The following ZNF827 variants were observed in gnomAD, a reference collection of about 807,000 sequenced individuals.
The protein encoded by ZNF827 is zinc finger protein 827.
A neutral mutation model predicts 102.4 loss-of-function variants in ZNF827; 13 were observed. The ratio of observed to expected loss-of-function variants is 0.13; its 90% CI spans 0.08 to 0.20. The LOEUF (loss-of-function observed/expected upper bound fraction) is 0.20. Ranked by LOEUF, ZNF827 falls within the 10% of genes least tolerant of loss-of-function variation. The pLI, the probability that ZNF827 is intolerant of heterozygous loss-of-function variation, is 1.00. For synonymous variants in ZNF827, 523 were observed against 536.2 expected, an observed-to-expected ratio of 0.98 and a Z score of 0.34; for missense variants, 1,103 against 1,344.4, an observed-to-expected ratio of 0.82 and a Z score of 2.81.
chr4:145,870,345 G>A lies in ZNF827; in HGVS notation c.1881C>T (p.Gly627=), dbSNP rs1405351681. ...FSPESEVSAP[G]VSEDALKPQE... is the part of the protein sequence containing the mutation. ...GGGGCTTTAGTGCGTCCTCAGAGAC[G>A]CCTGGGGCTGACACTTCAGATTCCG... Residue 627 remains glycine, a synonymous_variant, in exon 5 of 15, where the codon GGC becomes GGT. Transcript: ENST00000508784. 8 of 1,613,988 alleles carry A rather than the reference G, an allele frequency of 5.0e-6. No homozygotes were observed. Among genetic ancestry groups the A allele is most frequent in the African/African-American group, 2.7e-5 (2 of 74,882 alleles).
chr4:145,866,602 C>T (rs1180567640), intron 5 of ZNF827, among the ~76,000 whole-genome samples: 3 of 152,188 alleles, frequency 2.0e-5, no homozygotes, highest in African/African-American at 7.2e-5. Flanking sequence ...GTTTTATTTA[C>T]CATGTTAGAG....
intron 1 of ZNF827, among the ~76,000 whole-genome samples, chr4:145,904,229 C>A (rs1044039448): frequency 6.6e-6 from 1 of 152,204 alleles, no homozygotes; most frequent in African/African-American, 2.4e-5. Flanking sequence ...CTTCAACACC[C>A]GACTCAAAGG....
At chr4:145,897,335 C>G (rs1310950301) in intron 2 of ZNF827, among the ~76,000 whole-genome samples, 1 of 152,178 alleles carries the variant, frequency 6.6e-6, no homozygotes, top group African/African-American at 2.4e-5. Flanking sequence ...AATCAAACTT[C>G]CTGTTGTTCA....
At chr4:145,776,371 G>C (rs1487787263) in intron 9 of ZNF827, among the ~76,000 whole-genome samples, 1 of 151,866 alleles carries the variant, frequency 6.6e-6, no homozygotes, top group Non-Finnish European at 1.5e-5. Flanking sequence ...GGAGGTGGGA[G>C]GATTGCTTGA....
Position 145,901,625 on chromosome 4 carries a change from G to A in ZNF827, c.1093+541C>T, listed in dbSNP as rs988657285. Among the ~76,000 whole-genome samples the A allele has an allele frequency of 4.6e-5, 7 of 152,308 alleles. No homozygotes were observed. In the East Asian group the frequency reaches 5.8e-4, roughly 13 times the overall value. ...AAGAAATTGTAGGAGAATAGGATACGTGAAAAGGGCTTAAATTCCACAAAA... is the reference window on the plus strand; with the variant it reads ...AAGAAATTGTAGGAGAATAGGATACATGAAAAGGGCTTAAATTCCACAAAA... On this transcript the variant is annotated intron_variant, in intron 2 of 14. Transcript: ENST00000508784.
intron 1 of ZNF827, among the ~76,000 whole-genome samples, chr4:145,911,117 T>C (rs1454753300): frequency 1.3e-5 from 2 of 152,256 alleles, no homozygotes; most frequent in Non-Finnish European, 2.9e-5. Context: ...ATTTTTCTCA[T>C]GTGAGTCAAA....
At chr4:145,818,736 G>A (rs548286854) in intron 8 of ZNF827, among the ~76,000 whole-genome samples, 21 of 152,330 alleles carry the variant, frequency 1.4e-4, no homozygotes, top group Non-Finnish European at 2.5e-4. Flanking sequence ...ACATTGAGAC[G>A]TATCTTTTTA....
Position 145,761,645 on chromosome 4 carries a change from A to G in ZNF827, c.*18-47T>C. 1 of 1,151,884 alleles carries G rather than the reference A, an allele frequency of 8.7e-7. No homozygotes were observed. The highest frequency in any genetic ancestry group is 1.1e-6 in the Non-Finnish European group (1 of 886,834). The allele number at this position is 1,151,884 out of a possible 1,614,324, so 71.4% of individuals were successfully genotyped here. On this transcript the variant is annotated intron_variant, in intron 14 of 14. Transcript: ENST00000508784. This position sits in a 1 kb window ranked among gnomAD's most constrained non-coding sequence, Gnocchi z 6.8. ...GGGAGGTTCAGCCGGGAAGGTTCGGAGGCAGCCGCGCTTCTCGCCGCCTCA... is the reference window on the plus strand; with the variant it reads ...GGGAGGTTCAGCCGGGAAGGTTCGGGGGCAGCCGCGCTTCTCGCCGCCTCA...
chr4:145,836,221 C>A (rs568478182), intron 7 of ZNF827, among the ~76,000 whole-genome samples: 1 of 149,042 alleles, frequency 6.7e-6, no homozygotes, highest in Non-Finnish European at 1.5e-5. Context: ...CCCTGCCAAT[C>A]GTGTCCAACT....
At chr4:145,903,716 C>T (rs965705120) in intron 1 of ZNF827, among the ~76,000 whole-genome samples, 1 of 152,142 alleles carries the variant, frequency 6.6e-6, no homozygotes. Context: ...TCCACTTCCT[C>T]CAATATAAGA....
chr4:145,799,450 A>C (rs1186738917), intron 8 of ZNF827, among the ~76,000 whole-genome samples: 1 of 152,222 alleles, frequency 6.6e-6, no homozygotes. Flanking sequence ...GATGAATGTA[A>C]TAGAGTAAAA....
At chr4:145,873,943 G>A (rs1204385538) in intron 4 of ZNF827, among the ~76,000 whole-genome samples, 1 of 151,872 alleles carries the variant, frequency 6.6e-6, no homozygotes, top group Non-Finnish European at 1.5e-5. Context: ...GAATGGTTAA[G>A]TATTTTTAAA....
chr4:145,787,625 A>G (rs532570987), intron 8 of ZNF827, among the ~76,000 whole-genome samples: 2 of 152,212 alleles, frequency 1.3e-5, no homozygotes, highest in South Asian at 4.1e-4. Flanking sequence ...AGAATTTTGC[A>G]TTACTACTTT....
Position 145,902,251 on chromosome 4 carries a change from T to A in ZNF827, c.1008A>T (p.Pro336=). Residue 336 remains proline (P), a synonymous_variant, in exon 2 of 15, where the codon CCA becomes CCT. Transcript: ENST00000508784. The surrounding 1 kb of genome is among the most constrained non-coding windows in gnomAD (Gnocchi z 4.3). ...KVTPPPPPPP[P]PPPPPPPQSL... ...ATTGTGGTGGTGGTGGTGGAGGTGG[T>A]GGAGGTGGCGGTGGAGGTGGCGGAG... is the stretch of plus-strand genomic sequence containing the variant. 2 of 1,569,778 alleles carry A rather than the reference T, an allele frequency of 1.3e-6. No homozygotes were observed. Among genetic ancestry groups the A allele is most frequent in the Non-Finnish European group, 1.7e-6 (2 of 1,152,112 alleles).
intron 2 of ZNF827, among the ~76,000 whole-genome samples, chr4:145,897,353 G>A (rs548149112): frequency 6.6e-5 from 10 of 152,278 alleles, no homozygotes; most frequent in African/African-American, 2.2e-4. Flanking sequence ...TCAATCCTAT[G>A]TGGTGATTTG....
chr4:145,908,406 T>C (rs1046684665), intron 1 of ZNF827, among the ~76,000 whole-genome samples: 2 of 152,216 alleles, frequency 1.3e-5, no homozygotes, highest in African/African-American at 4.8e-5. Flanking sequence ...TCCAACACTC[T>C]CTTCTTGTGA....
intron 1 of ZNF827, among the ~76,000 whole-genome samples, chr4:145,932,385 G>A (rs889275786): frequency 1.3e-5 from 2 of 152,006 alleles, no homozygotes; most frequent in Admixed American, 6.5e-5. Context: ...GATTACTTAA[G>A]TAAACTAGTT....
chr4:145,909,150 T>C (rs1178552447), intron 1 of ZNF827, among the ~76,000 whole-genome samples: 1 of 152,224 alleles, frequency 6.6e-6, no homozygotes, highest in African/African-American at 2.4e-5. Flanking sequence ...TTACCAACTA[T>C]TTTACCATAC....
intron 7 of ZNF827, among the ~76,000 whole-genome samples, chr4:145,842,948 T>C (rs1290128869): frequency 6.6e-6 from 1 of 152,220 alleles, no homozygotes; most frequent in Non-Finnish European, 1.5e-5. Flanking sequence ...AGGTTTGATG[T>C]AAATCTTTTT....
Sources: allele counts gnomAD v4.1 joint callset (sites outside exome capture counted in the v4.1 genomes callset), GRCh38; gene constraint gnomAD v4.1.1; non-coding constraint Gnocchi (gnomAD v3.1); transcripts MANE v1.5; gene names NCBI Gene and HGNC (gene_info 2026-07-23, HGNC 2026-07-21).